The following OCA2 variants were observed in gnomAD, a reference collection of about 807,000 sequenced individuals.
OCA2 encodes P protein.
In OCA2, 77 loss-of-function variants were observed where a neutral mutation model predicts 100.2. That is an observed-to-expected ratio of 0.77 (90% CI 0.64 to 0.93). The LOEUF is 0.93. OCA2 is among the 40% of genes least tolerant of loss of function. The pLI is 0.00. For synonymous variants in OCA2, 432 were observed against 439.2 expected (o/e 0.98, Z 0.21); for missense variants, 1,062 against 1,089.1 (o/e 0.98, Z 0.35).
intron 18 of OCA2, among the ~76,000 whole-genome samples, chr15:27,948,340 A>G (rs1257650355): frequency 6.6e-6 from 1 of 152,118 alleles, no homozygotes. Context: ...ATCTACACCC[A>G]CCATATGACA....
intron 23 of OCA2, among the ~76,000 whole-genome samples, chr15:27,781,171 C>A (rs1022875238): frequency 2.0e-5 from 3 of 152,170 alleles, no homozygotes; most frequent in African/African-American, 7.2e-5. Flanking sequence ...GTTCAGTCAC[C>A]CCACTTGTAC....
In OCA2 at chr15:27,851,406, G is replaced by C. The variant is rs773774001; in HGVS notation, c.2314C>G (p.Leu772Val). Reference protein sequence around the residue: ...GLPAPPLMYALAFGACLGGNG... With the variant: ...GLPAPPLMYAVAFGACLGGNG... ...CCTCCCAGGCAAGCACCGAAGGCCAGGGCATACATGAGCGGCGGTGCGGGC... is the reference window on the plus strand; with the variant it reads ...CCTCCCAGGCAAGCACCGAAGGCCACGGCATACATGAGCGGCGGTGCGGGC... The change falls in exon 22 of 24, where the codon CTG becomes GTG. Residue 772 changes from leucine to valine, a missense_variant. By Grantham distance (32) the Leu-to-Val change is conservative. Transcript: ENST00000354638. The C allele has an allele frequency of 6.2e-7, 1 of 1,613,994 alleles. No individual in the cohort carries two copies. The highest frequency in any genetic ancestry group is 8.5e-7 in the Non-Finnish European group (1 of 1,179,990).
intron 18 of OCA2, among the ~76,000 whole-genome samples, chr15:27,935,815 T>A (rs1156273795): frequency 1.3e-5 from 2 of 152,250 alleles, no homozygotes; most frequent in Non-Finnish European, 2.9e-5. Context: ...AACCTTGTCA[T>A]CTTTTATAAA....
chr15:28,054,949 T>C (rs1048402534), intron 2 of OCA2, among the ~76,000 whole-genome samples: 2 of 152,182 alleles, frequency 1.3e-5, no homozygotes, highest in African/African-American at 4.8e-5. Flanking sequence ...CATCAGCTCT[T>C]GTGAGAACTC....
At chr15:28,042,148 C>T (rs1476059239) in intron 2 of OCA2, among the ~76,000 whole-genome samples, 2 of 151,760 alleles carry the variant, frequency 1.3e-5, no homozygotes, top group Non-Finnish European at 2.9e-5. Context: ...GAAGAATGAA[C>T]TTATCAACTT....
At chr15:27,818,930 T>A (rs1274967480) in intron 23 of OCA2, among the ~76,000 whole-genome samples, 1 of 152,140 alleles carries the variant, frequency 6.6e-6, no homozygotes, top group Non-Finnish European at 1.5e-5. Context: ...CATGTGCAGG[T>A]GTCGCCAGAC....
intron 21 of OCA2, among the ~76,000 whole-genome samples, chr15:27,862,792 T>C (rs1011123757): frequency 6.6e-6 from 1 of 152,210 alleles, no homozygotes; most frequent in Non-Finnish European, 1.5e-5. Context: ...ACATTTTAAG[T>C]TCGTATGTCA....
intron 6 of OCA2, among the ~76,000 whole-genome samples, chr15:28,019,339 C>A (rs140282063): frequency 2.4e-5 from 3 of 124,658 alleles, no homozygotes; most frequent in Admixed American, 2.4e-4. Flanking sequence ...GAAAGGAGAG[C>A]GGGAGACAAG....
chr15:27,719,320 T>TAA, the OCA2 span, among the ~76,000 whole-genome samples: 2 of 152,188 alleles, frequency 1.3e-5, no homozygotes, highest in Non-Finnish European at 2.9e-5. Flanking sequence ...GGTCTCTCTC[T>TAA]CTCTCTTCCT....
At chr15:27,749,920 T>C (rs2030011895), downstream of OCA2, among the ~76,000 whole-genome samples, 1 of 152,230 alleles carries the variant, frequency 6.6e-6, no homozygotes, top group South Asian at 2.1e-4. Context: ...CAAATTAACT[T>C]ATAAGTTTAG....
intron 22 of OCA2, among the ~76,000 whole-genome samples, chr15:27,846,120 A>G (rs1395559446): frequency 6.6e-6 from 1 of 152,016 alleles, no homozygotes; most frequent in Non-Finnish European, 1.5e-5. Flanking sequence ...AGTGTCTGAA[A>G]GGCCTGGAGC....
At chr15:27,999,098 T>C (rs1281354071) in intron 9 of OCA2, among the ~76,000 whole-genome samples, 1 of 151,868 alleles carries the variant, frequency 6.6e-6, no homozygotes, top group African/African-American at 2.4e-5. Context: ...TACCTAATGC[T>C]AAATGACGAG....
intron 2 of OCA2, among the ~76,000 whole-genome samples, chr15:28,060,666 G>A (rs1265969765): frequency 1.3e-5 from 2 of 152,190 alleles, no homozygotes; most frequent in African/African-American, 4.8e-5. Flanking sequence ...AATCCATGGA[G>A]CATGTATTCT....
intron 19 of OCA2, among the ~76,000 whole-genome samples, chr15:27,907,528 G>A (rs572396970): frequency 6.6e-6 from 1 of 152,070 alleles, no homozygotes; most frequent in East Asian, 1.9e-4. Flanking sequence ...TAATGACATG[G>A]AGAATATAAA....
At chr15:27,960,264 A>G (rs181507902) in intron 15 of OCA2, among the ~76,000 whole-genome samples, 2 of 152,342 alleles carry the variant, frequency 1.3e-5, no homozygotes, top group East Asian at 1.9e-4. Context: ...ATATTTCCAC[A>G]TTAACATTAT....
intron 2 of OCA2, among the ~76,000 whole-genome samples, chr15:28,080,643 T>C (rs1469612536): frequency 6.6e-6 from 1 of 152,234 alleles, no homozygotes; most frequent in East Asian, 1.9e-4. Context: ...CACACCCGCA[T>C]GCAATTCTGT....
At chr15:27,771,502 G>A (rs1015741935) in intron 23 of OCA2, among the ~76,000 whole-genome samples, 2 of 152,174 alleles carry the variant, frequency 1.3e-5, no homozygotes, top group Admixed American at 6.5e-5. Context: ...CTCCGTGGCC[G>A]CGGGCCGAGT....
At chr15:27,994,240 A>G (rs2041650263) in intron 9 of OCA2, among the ~76,000 whole-genome samples, 1 of 152,070 alleles carries the variant, frequency 6.6e-6, no homozygotes, top group African/African-American at 2.4e-5. Flanking sequence ...TGAACTGCGC[A>G]TGTGAGGGAT....
the OCA2 span, among the ~76,000 whole-genome samples, chr15:27,737,466 A>G: frequency 6.6e-6 from 1 of 152,224 alleles, no homozygotes; most frequent in African/African-American, 2.4e-5. Context: ...AAATATGTCA[A>G]TAGAACAGAA....
Sources: gnomAD v4.1 joint callset for allele counts (sites outside exome capture counted in the v4.1 genomes callset) on GRCh38, gnomAD v4.1.1 for gene constraint, MANE v1.5 for transcripts, NCBI Gene and HGNC (gene_info 2026-07-23, HGNC 2026-07-21) for gene names.